Variants in ARHGAP24 observed in about 807,000 individuals in gnomAD.
The protein encoded by ARHGAP24 is Rho GTPase activating protein 24.
In ARHGAP24, 50 loss-of-function variants were observed where a neutral mutation model predicts 76.4. That is an observed-to-expected ratio of 0.65 (90% CI 0.52 to 0.83). The LOEUF is 0.83. Ranked by LOEUF, ARHGAP24 falls within the 40% of genes least tolerant of loss-of-function variation. The pLI is 0.00. For missense variants in ARHGAP24, 930 were observed against 914.2 expected, an observed-to-expected ratio of 1.02 and a Z score of -0.22; for synonymous variants, 345 against 323.3, an observed-to-expected ratio of 1.07 and a Z score of -0.72.
At chr4:85,886,308 G>T (rs891815258) in intron 3 of ARHGAP24, among the ~76,000 whole-genome samples, 2 of 152,108 alleles carry the variant, frequency 1.3e-5, no homozygotes, top group African/African-American at 4.8e-5. Context: ...TGTGAGTTGG[G>T]TTACTTACCT....
At position 85,564,433 on chromosome 4, in the gene ARHGAP24, C is replaced by A. The variant is rs921471208; in HGVS notation, c.-20-6089C>A. ...GGGGGGGATAGCATTAGGAGATATA[C>A]CTAATGTAAATGACGAGTTAATGGG... On this transcript the variant is annotated intron_variant, in intron 1 of 9. Coordinates refer to ENST00000395184, the MANE Select transcript of ARHGAP24 (RefSeq NM_001025616.3). Among the ~76,000 whole-genome samples the A allele has an allele frequency of 7.9e-5, 10 of 127,104 alleles. 1 individual carries two copies. Among genetic ancestry groups the A allele is most frequent in the Admixed American group, 7.4e-4 (9 of 12,146 alleles). The allele number at this position is 127,104 out of a possible 152,430, so 83.4% of individuals were successfully genotyped here. A position where few individuals can be genotyped will look rare whatever the true frequency, so the allele number is the denominator to read the frequency against.
At chr4:85,977,547 A>G (rs767624683) in intron 7 of ARHGAP24, 23 bp from the exon 8 acceptor site, 1 of 1,611,180 alleles carries the variant, frequency 6.2e-7, no homozygotes, top group Admixed American at 1.7e-5. Context: ...ATTGTATTTC[A>G]ATCATATGCT....
intron 2 of ARHGAP24, among the ~76,000 whole-genome samples, chr4:85,646,377 G>GT (rs1276604174): frequency 6.6e-6 from 1 of 151,962 alleles, no homozygotes; most frequent in Non-Finnish European, 1.5e-5. Flanking sequence ...ATGTAATGTG[G>GT]TATTACTCTT....
chr4:85,799,915 G>A (rs938569558), intron 3 of ARHGAP24, among the ~76,000 whole-genome samples: 1 of 152,154 alleles, frequency 6.6e-6, no homozygotes, highest in Non-Finnish European at 1.5e-5. Flanking sequence ...TTCAGGGGCA[G>A]TCTACAAAAT....
At chr4:85,748,228 C>A (rs1231603259) in intron 3 of ARHGAP24, among the ~76,000 whole-genome samples, 1 of 152,204 alleles carries the variant, frequency 6.6e-6, no homozygotes, top group African/African-American at 2.4e-5. Context: ...CCACCTACTC[C>A]AAACAAATTA....
chr4:85,979,636 T>C (rs1344483853), intron 8 of ARHGAP24, among the ~76,000 whole-genome samples: 1 of 152,198 alleles, frequency 6.6e-6, no homozygotes, highest in Non-Finnish European at 1.5e-5. Flanking sequence ...CATGTGGCAA[T>C]ATTTTAATTT....
intron 2 of ARHGAP24, among the ~76,000 whole-genome samples, chr4:85,698,510 G>A (rs1388947103): frequency 1.3e-5 from 2 of 152,142 alleles, no homozygotes; most frequent in Admixed American, 6.5e-5. Context: ...CATCCTTCCT[G>A]GCTTCATAGG....
At chr4:85,778,590 G>A (rs1317887354) in intron 3 of ARHGAP24, 1 of 843,480 alleles carries the variant, frequency 1.2e-6, no homozygotes, top group East Asian at 1.2e-4. Context: ...AGCTTTCTAT[G>A]ATTCCTATTT....
At chr4:85,550,238 A>G (rs1355031797) in intron 1 of ARHGAP24, among the ~76,000 whole-genome samples, 2 of 152,164 alleles carry the variant, frequency 1.3e-5, no homozygotes, top group Non-Finnish European at 2.9e-5. Context: ...GTATAAGGAA[A>G]GGGTCCAGTT....
chr4:85,794,780 C>A (rs55982788), intron 3 of ARHGAP24, among the ~76,000 whole-genome samples: 5 of 152,118 alleles, frequency 3.3e-5, no homozygotes, highest in Non-Finnish European at 5.9e-5. Context: ...TGCACCCGAC[C>A]TGCAAATCCT....
At chr4:85,931,320 C>T (rs1010660586) in intron 4 of ARHGAP24, among the ~76,000 whole-genome samples, 1 of 152,074 alleles carries the variant, frequency 6.6e-6, no homozygotes, top group Non-Finnish European at 1.5e-5. Flanking sequence ...GTAAGCTGGG[C>T]TGACCGTCCT....
intron 2 of ARHGAP24, among the ~76,000 whole-genome samples, chr4:85,618,808 C>T (rs1220337810): frequency 6.6e-6 from 1 of 151,940 alleles, no homozygotes; most frequent in Non-Finnish European, 1.5e-5. Flanking sequence ...AGTTTTTACC[C>T]GTTTTTAATT....
intron 2 of ARHGAP24, among the ~76,000 whole-genome samples, chr4:85,620,733 A>G (rs1394734961): frequency 2.0e-5 from 3 of 151,654 alleles, no homozygotes; most frequent in African/African-American, 4.8e-5. Context: ...ATTAAGGTAC[A>G]ATCTTAGGTT....
At chr4:85,691,581 T>A (rs1723663027) in intron 2 of ARHGAP24, among the ~76,000 whole-genome samples, 1 of 152,224 alleles carries the variant, frequency 6.6e-6, no homozygotes, top group South Asian at 2.1e-4. Flanking sequence ...GTACCTTTTA[T>A]CATTACGCGA....
At chr4:85,629,017 A>G (rs1300460027) in intron 2 of ARHGAP24, among the ~76,000 whole-genome samples, 2 of 151,948 alleles carry the variant, frequency 1.3e-5, no homozygotes, top group Non-Finnish European at 2.9e-5. Flanking sequence ...AATTTTTTCC[A>G]CTTTATAACT....
rs553581644 is a variant in ARHGAP24 at position 85,849,014 on chromosome 4, T to C, written c.269-74634T>C. Among the ~76,000 whole-genome samples the C allele has an allele frequency of 3.5e-3, 526 of 151,042 alleles. 1 individual carries two copies. The highest frequency in any genetic ancestry group is 5.4e-3 in the Non-Finnish European group (366 of 67,720). On this transcript the variant is annotated intron_variant, in intron 3 of 9. Coordinates refer to ENST00000395184, the MANE Select transcript of ARHGAP24 (RefSeq NM_001025616.3). Reference sequence around the variant, plus strand: ...CATTGGTAGCTTGATGGGGATGGCATTGAATCTGTAAATTACCTTGGGCAG... The same window carrying C: ...CATTGGTAGCTTGATGGGGATGGCACTGAATCTGTAAATTACCTTGGGCAG...
At chr4:85,611,964 C>A (rs1323768487) in intron 2 of ARHGAP24, among the ~76,000 whole-genome samples, 1 of 152,108 alleles carries the variant, frequency 6.6e-6, no homozygotes, top group African/African-American at 2.4e-5. Flanking sequence ...TTGTAATTGA[C>A]TGCATGCACT....
At chr4:85,648,565 G>C (rs1162025798) in intron 2 of ARHGAP24, among the ~76,000 whole-genome samples, 1 of 152,036 alleles carries the variant, frequency 6.6e-6, no homozygotes, top group Non-Finnish European at 1.5e-5. Context: ...TGACAGAACA[G>C]ACGACTCTAA....
At chr4:85,872,281 C>G (rs1010617486) in intron 3 of ARHGAP24, among the ~76,000 whole-genome samples, 2 of 151,780 alleles carry the variant, frequency 1.3e-5, no homozygotes, top group Non-Finnish European at 2.9e-5. Flanking sequence ...ATAGAAATCA[C>G]TGAGTTTTAA....
Sources: gnomAD v4.1 joint callset for allele counts (sites outside exome capture counted in the v4.1 genomes callset) on GRCh38, gnomAD v4.1.1 for gene constraint, MANE v1.5 for transcripts, NCBI Gene and HGNC (gene_info 2026-07-23, HGNC 2026-07-21) for gene names.